The following EML4 variants were observed in gnomAD, a reference collection of about 807,000 sequenced individuals.
The protein encoded by EML4 is echinoderm microtubule-associated protein-like 4.
Under a neutral mutation model 129.0 loss-of-function variants are expected in EML4, and 72 were observed. The ratio of observed to expected loss-of-function variants is 0.56; its 90% CI spans 0.46 to 0.68. The LOEUF is 0.68. EML4 is among the 30% of genes least tolerant of loss of function. The pLI is 0.00. For synonymous variants in EML4, 532 were observed against 405.0 expected, an observed-to-expected ratio of 1.31 and a Z score of -3.77; for missense variants, 1,363 against 1,190.6, an observed-to-expected ratio of 1.14 and a Z score of -2.13.
At chr2:42,266,004 A>C (rs772071564) in intron 6 of EML4, among the ~76,000 whole-genome samples, 9 of 152,232 alleles carry the variant, frequency 5.9e-5, no homozygotes, top group Non-Finnish European at 1.2e-4. Flanking sequence ...CTTTCTGTGC[A>C]TGGTTTTCAC....
intron 2 of EML4, among the ~76,000 whole-genome samples, chr2:42,252,346 A>G (rs530899427): frequency 3.9e-5 from 6 of 152,212 alleles, no homozygotes; most frequent in Non-Finnish European, 5.9e-5. Flanking sequence ...TCCTGGCATT[A>G]TGATGGTTTC....
intron 1 of EML4, among the ~76,000 whole-genome samples, chr2:42,185,831 G>C (rs1443701334): frequency 1.3e-5 from 2 of 152,118 alleles, no homozygotes; most frequent in African/African-American, 2.4e-5. Flanking sequence ...TATCAGTGTG[G>C]AGTTTTTGCA....
chr2:42,178,539 GACCCTGTCT>G (rs1670749397), intron 1 of EML4, among the ~76,000 whole-genome samples: 1 of 152,140 alleles, frequency 6.6e-6, no homozygotes, highest in Non-Finnish European at 1.5e-5. Context: ...CGAGCAGCGA[GACCCTGTCT>G]CAAATAAGAA....
At chr2:42,257,567 G>A (rs56040128) in intron 3 of EML4, among the ~76,000 whole-genome samples, 45 of 152,238 alleles carry the variant, frequency 3.0e-4, no homozygotes, top group Non-Finnish European at 5.4e-4. Flanking sequence ...CGGGCACGGT[G>A]GCTCATGCCT....
At chr2:42,327,044 A>T (rs931204474) in intron 21 of EML4, among the ~76,000 whole-genome samples, 1 of 152,118 alleles carries the variant, frequency 6.6e-6, no homozygotes, top group Non-Finnish European at 1.5e-5. Context: ...GCAACCACTA[A>T]TCTGTTATTG....
intron 1 of EML4, among the ~76,000 whole-genome samples, chr2:42,218,943 C>G (rs1055354732): frequency 6.6e-6 from 1 of 152,168 alleles, no homozygotes; most frequent in African/African-American, 2.4e-5. Context: ...GGAATACAAA[C>G]ATGCACTGCA....
At chr2:42,240,874 C>T (rs190912173) in intron 1 of EML4, among the ~76,000 whole-genome samples, 2 of 152,270 alleles carry the variant, frequency 1.3e-5, no homozygotes, top group African/African-American at 4.8e-5. Flanking sequence ...GGCGTGGTGG[C>T]TCACACCTGT....
chr2:42,329,625 G>A, intron 22 of EML4, 109 bp from the exon 23 acceptor site: 1 of 807,592 alleles, frequency 1.2e-6, no homozygotes, highest in Non-Finnish European at 2.0e-6. Flanking sequence ...AAATTGGATT[G>A]CCCATTTCAC....
intron 17 of EML4, among the ~76,000 whole-genome samples, chr2:42,314,236 G>C (rs2103780164): frequency 6.6e-6 from 1 of 152,038 alleles, no homozygotes; most frequent in African/African-American, 2.4e-5. Context: ...GCGCCCACCT[G>C]TAATCCCAGC....
chr2:42,237,448 T>C (rs1399355844), intron 1 of EML4, among the ~76,000 whole-genome samples: 1 of 152,200 alleles, frequency 6.6e-6, no homozygotes, highest in Non-Finnish European at 1.5e-5. Flanking sequence ...GATTTTATGA[T>C]TTTGCCTTTA....
At chr2:42,266,535 G>A (rs1369323417) in intron 6 of EML4, among the ~76,000 whole-genome samples, 1 of 151,788 alleles carries the variant, frequency 6.6e-6, no homozygotes, top group Non-Finnish European at 1.5e-5. Flanking sequence ...ATAGAGATGG[G>A]GTCTCACTTT....
chr2:42,320,131 C>T (rs200109556), intron 19 of EML4: 1 of 152,254 alleles, frequency 6.6e-6, no homozygotes, highest in South Asian at 2.1e-4. Context: ...GGGCAGCTAG[C>T]TGATGCATGG....
At chr2:42,210,593 A>G (rs1479268299) in intron 1 of EML4, among the ~76,000 whole-genome samples, 2 of 152,224 alleles carry the variant, frequency 1.3e-5, no homozygotes, top group Non-Finnish European at 2.9e-5. Context: ...CTTCTTGAAG[A>G]CAGTATATTT....
At chr2:42,306,191 G>C (rs1668583597) in intron 17 of EML4, among the ~76,000 whole-genome samples, 2 of 152,148 alleles carry the variant, frequency 1.3e-5, no homozygotes, top group Non-Finnish European at 2.9e-5. Context: ...AAAGCACTTA[G>C]ACTTGGACAT....
At chr2:42,311,241 C>T (rs1278710593) in intron 17 of EML4, among the ~76,000 whole-genome samples, 1 of 152,170 alleles carries the variant, frequency 6.6e-6, no homozygotes. Context: ...GACTTTGAAA[C>T]AGTCTTAAAA....
intron 17 of EML4, among the ~76,000 whole-genome samples, chr2:42,305,918 T>A (rs1026537006): frequency 2.0e-5 from 3 of 152,212 alleles, no homozygotes; most frequent in African/African-American, 7.2e-5. Context: ...CTTCTGGCTG[T>A]TAGATACAAA....
chr2:42,210,451 C>G (rs1672825247), intron 1 of EML4, among the ~76,000 whole-genome samples: 1 of 152,176 alleles, frequency 6.6e-6, no homozygotes. Flanking sequence ...TTGATCACTT[C>G]ACTGAGGTAC....
chr2:42,293,261 G>T (rs911251172), intron 11 of EML4, among the ~76,000 whole-genome samples: 4 of 151,506 alleles, frequency 2.6e-5, no homozygotes, highest in Non-Finnish European at 5.9e-5. Flanking sequence ...AGCGCGCACC[G>T]CCACGCCGGC....
intron 1 of EML4, among the ~76,000 whole-genome samples, chr2:42,180,978 T>G (rs1670901785): frequency 6.6e-6 from 1 of 152,232 alleles, no homozygotes; most frequent in Non-Finnish European, 1.5e-5. Flanking sequence ...CTGATTAGAT[T>G]CAAATTATGC....
Sources: allele counts gnomAD v4.1 joint callset (sites outside exome capture counted in the v4.1 genomes callset), GRCh38; gene constraint gnomAD v4.1.1; transcripts MANE v1.5; gene names NCBI Gene and HGNC (gene_info 2026-07-23, HGNC 2026-07-21).